DENND5A: variants seen among roughly 807,000 people sequenced by gnomAD.
DENND5A encodes the protein DENN domain containing 5A, also known as DENN domain-containing protein 5A.
Under a neutral mutation model 140.3 loss-of-function variants are expected in DENND5A, and 64 were observed. That is an observed-to-expected ratio of 0.46 (90% confidence interval 0.37 to 0.56). DENND5A has a LOEUF of 0.56. Ranked by LOEUF, DENND5A falls within the 20% of genes least tolerant of loss-of-function variation. The pLI is 0.00. For missense variants in DENND5A, 1,292 were observed against 1,593.8 expected (o/e 0.81, Z 3.22); for synonymous variants, 605 against 607.7 (o/e 1.00, Z 0.07).
At chr11:9,154,925 G>A (rs921246890) in intron 12 of DENND5A, among the ~76,000 whole-genome samples, 3 of 152,028 alleles carry the variant, frequency 2.0e-5, no homozygotes, top group African/African-American at 4.8e-5. Context: ...CGAGGTGGGT[G>A]GACCACCTGA....
chr11:9,162,386 T>C, intron 11 of DENND5A, among the ~76,000 whole-genome samples: 1 of 151,828 alleles, frequency 6.6e-6, no homozygotes, highest in Non-Finnish European at 1.5e-5. Flanking sequence ...ATTACAGGCA[T>C]GCACCACCAC....
At chr11:9,230,839 A>G (rs1045006863) in intron 1 of DENND5A, among the ~76,000 whole-genome samples, 1 of 152,074 alleles carries the variant, frequency 6.6e-6, no homozygotes, top group Non-Finnish European at 1.5e-5. Context: ...AAAGAAATAG[A>G]AAAATTAGGC....
chr11:9,265,242 G>A lies in DENND5A; in HGVS notation c.-173C>T, dbSNP rs899850452. 2 of 263,352 alleles carry A rather than the reference G, an allele frequency of 7.6e-6. No homozygotes were observed. The highest frequency in any genetic ancestry group is 4.6e-5 in the African/African-American group (2 of 43,414). The allele number at this position is 263,352 out of a possible 1,614,324, so 16.3% of individuals were successfully genotyped here. ...TCGGCCGCCGCGGCTGCCGTGACGG[G>A]GCGGGGGGGCACCGGGCCGCCCCGC... On this transcript the variant is annotated 5_prime_UTR_variant, in exon 1 of 23. Coordinates refer to ENST00000328194, the MANE Select transcript of DENND5A (RefSeq NM_015213.4). This position sits in a 1 kb window ranked among gnomAD's most constrained non-coding sequence, Gnocchi z 4.7.
intron 5 of DENND5A, among the ~76,000 whole-genome samples, chr11:9,190,012 T>A (rs1040874528): frequency 2.6e-5 from 4 of 152,222 alleles, no homozygotes; most frequent in Middle Eastern, 3.2e-3. Context: ...TTTGGAACTT[T>A]AAGATTTGAC....
chr11:9,161,542 T>C (rs753575548), intron 11 of DENND5A, among the ~76,000 whole-genome samples: 9 of 152,218 alleles, frequency 5.9e-5, no homozygotes, highest in Non-Finnish European at 1.3e-4. Flanking sequence ...CCTTTGAGCA[T>C]ACATACAACT....
chr11:9,152,319 G>T, intron 13 of DENND5A, 39 bp downstream of exon 13: 1 of 1,433,488 alleles, frequency 7.0e-7, no homozygotes, highest in Non-Finnish European at 9.9e-7. Flanking sequence ...ATGGAAAAGT[G>T]GAGAGAGGGC....
Position 9,141,970 on chromosome 11 carries a change from T to G in DENND5A, c.3650A>C (p.Lys1217Thr). 2 of 1,601,682 alleles carry G rather than the reference T, an allele frequency of 1.2e-6. No individual in the cohort carries two copies. The highest frequency in any genetic ancestry group is 1.7e-6 in the Non-Finnish European group (2 of 1,173,998). Residue 1217 changes from lysine to threonine, a missense_variant, in exon 22 of 23, where the codon AAG (lysine) becomes ACG (threonine). Transcript: ENST00000328194. ...TCCCAAGCACACCAGCATCTGAAAC[T>G]TGCCATCCTTGCCGATGTTCCGGGG... ...NTPRNIGKDG[K>T]FQMLVCLGAR...
intron 1 of DENND5A, among the ~76,000 whole-genome samples, chr11:9,242,087 T>C (rs1851262531): frequency 6.6e-6 from 1 of 151,834 alleles, no homozygotes; most frequent in South Asian, 2.1e-4. Context: ...CCATTAACCC[T>C]GTTTACTGTT....
At chr11:9,149,389 G>C (rs961541585) in intron 15 of DENND5A, among the ~76,000 whole-genome samples, 2 of 152,210 alleles carry the variant, frequency 1.3e-5, no homozygotes, top group African/African-American at 4.8e-5. Context: ...TTGGGAAAGG[G>C]ACAGGTTTAT....
In DENND5A at chr11:9,254,966, G is replaced by A. The variant is rs188485600; in HGVS notation, c.109+9995C>T. On this transcript the variant is annotated intron_variant, in intron 1 of 22. Coordinates refer to ENST00000328194, the MANE Select transcript of DENND5A (RefSeq NM_015213.4). Reference sequence around the variant, plus strand: ...GATGCATGTAATCCCAGCTACTCGGGAGGCTGAGGCATGAGAATCGCTTGA... The same window carrying A: ...GATGCATGTAATCCCAGCTACTCGGAAGGCTGAGGCATGAGAATCGCTTGA... Among the ~76,000 whole-genome samples the A allele has an allele frequency of 3.4e-3, 513 of 152,160 alleles. 1 individual carries two copies. The highest frequency in any genetic ancestry group is 0.012 in the African/African-American group (490 of 41,516).
chr11:9,149,696 G>T (rs1847548107), intron 15 of DENND5A, among the ~76,000 whole-genome samples: 1 of 152,132 alleles, frequency 6.6e-6, no homozygotes, highest in South Asian at 2.1e-4. Flanking sequence ...AGAGAGAGAA[G>T]AGGACATCTC....
chr11:9,219,945 T>C (rs1005891578), intron 1 of DENND5A, among the ~76,000 whole-genome samples: 3 of 152,174 alleles, frequency 2.0e-5, no homozygotes, highest in Admixed American at 6.5e-5. Flanking sequence ...GATATCATCA[T>C]TTAGAAAGAA....
intron 5 of DENND5A, among the ~76,000 whole-genome samples, chr11:9,186,950 G>T (rs781512781): frequency 6.6e-6 from 1 of 152,082 alleles, no homozygotes; most frequent in Non-Finnish European, 1.5e-5. Context: ...CAGGCATTGC[G>T]GTGTGTGCCT....
chr11:9,188,092 G>A (rs1442033737), intron 5 of DENND5A, among the ~76,000 whole-genome samples: 2 of 152,164 alleles, frequency 1.3e-5, no homozygotes, highest in African/African-American at 2.4e-5. Context: ...AAATTCTCAC[G>A]TGTTGTGGGA....
chr11:9,190,813 T>C (rs759941509), intron 5 of DENND5A, among the ~76,000 whole-genome samples: 1 of 152,178 alleles, frequency 6.6e-6, no homozygotes, highest in East Asian at 1.9e-4. Context: ...TGTGCACTGT[T>C]AGCATTTTTT....
At chr11:9,143,119 G>C in intron 20 of DENND5A, 2 of 586,874 alleles carry the variant, frequency 3.4e-6, no homozygotes, top group South Asian at 4.5e-5. Flanking sequence ...ACTATTCAAG[G>C]AGACCCAGGC....
chr11:9,154,216 T>C (rs1847729011), intron 12 of DENND5A, among the ~76,000 whole-genome samples: 1 of 152,144 alleles, frequency 6.6e-6, no homozygotes, highest in Non-Finnish European at 1.5e-5. Flanking sequence ...AAGGTAGATA[T>C]CTCTATCCCT....
rs574157410 is a variant in DENND5A, at chr11:9,142,159, T to C, written c.3512-51A>G. The C allele has an allele frequency of 1.7e-5, 25 of 1,492,608 alleles. No homozygotes were observed. In the Admixed American group the frequency reaches 4.2e-4, roughly 25 times the overall value. 92.5% of individuals were successfully genotyped at this position (1,492,608 alleles called of 1,614,324 possible). A position where few individuals can be genotyped will look rare whatever the true frequency, so the allele number is the denominator to read the frequency against. Reference sequence around the variant, plus strand: ...GTGAAAAGGCTCTCAACACCAACCCTGACGGTCCTACAGGCCACTTGCCAT... The same window carrying C: ...GTGAAAAGGCTCTCAACACCAACCCCGACGGTCCTACAGGCCACTTGCCAT... On this transcript the variant is annotated intron_variant, in intron 21 of 22. Coordinates refer to ENST00000328194, the MANE Select transcript of DENND5A (RefSeq NM_015213.4).
chr11:9,252,559 A>C (rs1337311926), intron 1 of DENND5A, among the ~76,000 whole-genome samples: 1 of 151,994 alleles, frequency 6.6e-6, no homozygotes, highest in Non-Finnish European at 1.5e-5. Flanking sequence ...AGGCAGAAGA[A>C]TTGCTTGAAC....
Sources: allele counts gnomAD v4.1 joint callset (sites outside exome capture counted in the v4.1 genomes callset), GRCh38; gene constraint gnomAD v4.1.1; non-coding constraint Gnocchi (gnomAD v3.1); transcripts MANE v1.5; gene names NCBI Gene and HGNC (gene_info 2026-07-23, HGNC 2026-07-21).